The following PRKG1 variants were observed in gnomAD, a reference collection of about 807,000 sequenced individuals.
PRKG1 encodes protein kinase cGMP-dependent 1, also known as cGMP-dependent protein kinase 1.
A neutral mutation model predicts 88.1 loss-of-function variants in PRKG1; 35 were observed. The observed-to-expected ratio is 0.40, with a 90% CI of 0.30 to 0.53. The LOEUF is 0.53. Among genes scored for constraint, PRKG1 ranks in the 20% least tolerant of loss-of-function variants. The pLI, the probability that PRKG1 is intolerant of heterozygous loss-of-function variation, is 0.59. For synonymous variants in PRKG1, 303 were observed against 292.5 expected (o/e 1.04, Z -0.37); for missense variants, 540 against 839.8 (o/e 0.64, Z 4.41).
chr10:51,988,232 T>C (rs1021051926), intron 5 of PRKG1, among the ~76,000 whole-genome samples: 5 of 152,088 alleles, frequency 3.3e-5, no homozygotes, highest in Non-Finnish European at 5.9e-5. Context: ...TGGCTATATT[T>C]ATTTACGAAT....
At chr10:51,488,802 A>G (rs189776144) in intron 3 of PRKG1, among the ~76,000 whole-genome samples, 85 of 152,046 alleles carry the variant, frequency 5.6e-4, no homozygotes, top group African/African-American at 2.0e-3. Flanking sequence ...CTCTGCGTCC[A>G]CCTCTTCTCT....
Position 51,113,746 on chromosome 10 carries a change from A to C in PRKG1, c.311+38845A>C, listed in dbSNP as rs67950204. 5.1e-3 allele frequency among the ~76,000 whole-genome samples: 724 copies of C among 143,332 alleles called. 14 individuals carry two copies. The highest frequency in any genetic ancestry group is 0.018 in the East Asian group (86 of 4,832). The allele number at this position is 143,332 out of a possible 152,430, so 94.0% of individuals were successfully genotyped here. A position where few individuals can be genotyped will look rare whatever the true frequency, so the allele number is the denominator to read the frequency against. On this transcript the variant is annotated intron_variant, in intron 1 of 17. Coordinates refer to ENST00000373980, the MANE Select transcript of PRKG1 (RefSeq NM_006258.4). ...TTCTATTTAAAAAAAAAAAAAAAAA[A>C]AAACTAAAAGAAGAGGAAAAGTGAA... is the stretch of plus-strand genomic sequence containing the variant.
At chr10:51,381,869 G>A (rs952189491) in intron 2 of PRKG1, among the ~76,000 whole-genome samples, 9 of 152,116 alleles carry the variant, frequency 5.9e-5, no homozygotes, top group Admixed American at 5.9e-4. Context: ...CAACATTGTT[G>A]ATTGCTGAGA....
At chr10:51,138,476 A>G (rs1162300604) in intron 1 of PRKG1, among the ~76,000 whole-genome samples, 1 of 152,128 alleles carries the variant, frequency 6.6e-6, no homozygotes, top group Non-Finnish European at 1.5e-5. Context: ...GTCTGCACTA[A>G]CTTGGTATGA....
intron 1 of PRKG1, among the ~76,000 whole-genome samples, chr10:51,055,964 C>G (rs1430641540): frequency 1.3e-5 from 2 of 152,044 alleles, no homozygotes; most frequent in Non-Finnish European, 2.9e-5. Context: ...AGCTAAAGTC[C>G]TCTCCTCAAA....
intron 3 of PRKG1, among the ~76,000 whole-genome samples, chr10:51,559,245 G>A (rs1235656797): frequency 6.6e-6 from 1 of 151,996 alleles, no homozygotes; most frequent in Admixed American, 6.6e-5. Context: ...TACTTCATCA[G>A]GGAAAATGCC....
intron 5 of PRKG1, among the ~76,000 whole-genome samples, chr10:51,924,582 A>G (rs2132987313): frequency 6.6e-6 from 1 of 152,232 alleles, no homozygotes; most frequent in Admixed American, 6.5e-5. Context: ...TGTGTCTGTC[A>G]TTAATTTTGG....
intron 2 of PRKG1, among the ~76,000 whole-genome samples, chr10:51,232,130 T>C (rs1246623873): frequency 6.6e-6 from 1 of 152,102 alleles, no homozygotes; most frequent in Non-Finnish European, 1.5e-5. Flanking sequence ...AGGGGAGCAA[T>C]TTCTGTGGGC....
chr10:51,711,369 G>A (rs1428322090), intron 3 of PRKG1, among the ~76,000 whole-genome samples: 1 of 152,126 alleles, frequency 6.6e-6, no homozygotes, highest in African/African-American at 2.4e-5. Context: ...CTCCCAAAGT[G>A]CTAGGATTAC....
intron 5 of PRKG1, among the ~76,000 whole-genome samples, chr10:51,956,763 A>T (rs1218917064): frequency 6.6e-6 from 1 of 151,186 alleles, no homozygotes; most frequent in East Asian, 2.0e-4. Context: ...CCCCACTCAT[A>T]TTCACTCTGT....
At chr10:51,279,431 T>C (rs189683986) in intron 2 of PRKG1, among the ~76,000 whole-genome samples, 16 of 151,940 alleles carry the variant, frequency 1.1e-4, no homozygotes, top group African/African-American at 3.9e-4. Flanking sequence ...CTGGATATCC[T>C]TGTTAACTTT....
intron 9 of PRKG1, among the ~76,000 whole-genome samples, chr10:52,246,435 G>GTATC (rs2132390314): frequency 6.6e-6 from 1 of 152,262 alleles, no homozygotes; most frequent in East Asian, 1.9e-4. Context: ...CCATGCATAT[G>GTATC]TATCTTGGTC....
At chr10:51,111,047 G>A (rs1435653769) in intron 1 of PRKG1, among the ~76,000 whole-genome samples, 1 of 152,132 alleles carries the variant, frequency 6.6e-6, no homozygotes, top group Non-Finnish European at 1.5e-5. Flanking sequence ...GATAGATGAA[G>A]CTGTGTGGTT....
intron 3 of PRKG1, among the ~76,000 whole-genome samples, chr10:51,472,327 C>G (rs1253981510): frequency 6.6e-6 from 1 of 151,840 alleles, no homozygotes; most frequent in Non-Finnish European, 1.5e-5. Context: ...CAAACTGTAT[C>G]AGAAAAATCT....
intron 3 of PRKG1, among the ~76,000 whole-genome samples, chr10:51,796,967 G>A (rs917553098): frequency 4.0e-5 from 6 of 151,126 alleles, no homozygotes; most frequent in African/African-American, 1.5e-4. Context: ...ATCTTTGCTT[G>A]GAGTCTTGCA....
rs1366641481 is a variant in PRKG1, at chr10:52,128,089, A to G, written c.936-5751A>G. Reference sequence around the variant, plus strand: ...GATTGCTTTTGATTTTGAGATGAAAAGAATTTGCTTTGTGCTGTGTGAACT... The same window carrying G: ...GATTGCTTTTGATTTTGAGATGAAAGGAATTTGCTTTGTGCTGTGTGAACT... On this transcript the variant is annotated intron_variant, in intron 7 of 17. Coordinates refer to ENST00000373980, the MANE Select transcript of PRKG1 (RefSeq NM_006258.4). 6 of 985,138 alleles carry G rather than the reference A, an allele frequency of 6.1e-6. No homozygotes were observed. The African/African-American group carries it at 1.0e-4, about 17-fold the overall frequency. 61.0% of individuals were successfully genotyped at this position (985,138 alleles called of 1,614,324 possible).
At chr10:51,936,691 G>A (rs1842806559) in intron 5 of PRKG1, among the ~76,000 whole-genome samples, 1 of 151,912 alleles carries the variant, frequency 6.6e-6, no homozygotes, top group African/African-American at 2.4e-5. Flanking sequence ...TTTCCCAAGT[G>A]TACTTGTTAT....
chr10:51,853,268 A>C (rs117629782), intron 4 of PRKG1, among the ~76,000 whole-genome samples: 2,917 of 152,290 alleles, frequency 0.019, 44 homozygotes, highest in Middle Eastern at 0.061. Context: ...AACTATTCTA[A>C]GTTGTGTACA....
intron 5 of PRKG1, among the ~76,000 whole-genome samples, chr10:52,052,766 A>T (rs1022616579): frequency 2.6e-5 from 4 of 152,034 alleles, no homozygotes; most frequent in Admixed American, 6.6e-5. Context: ...TGATTCAATT[A>T]TCTCCCACCA....
Sources: gnomAD v4.1 joint callset for allele counts (sites outside exome capture counted in the v4.1 genomes callset) on GRCh38, gnomAD v4.1.1 for gene constraint, MANE v1.5 for transcripts, NCBI Gene and HGNC (gene_info 2026-07-23, HGNC 2026-07-21) for gene names.